The following NXPH1 variants were observed in gnomAD, a reference collection of about 807,000 sequenced individuals.
NXPH1 encodes neurexophilin 1.
NXPH1 carries 5 observed loss-of-function variants against 23.7 expected under a neutral mutation model. The observed-to-expected ratio is 0.21, with a 90% CI of 0.11 to 0.44. NXPH1 has a LOEUF of 0.44. Ranked by LOEUF, NXPH1 falls within the 20% of genes least tolerant of loss-of-function variation. The pLI is 0.99. For synonymous variants in NXPH1, 144 were observed against 122.2 expected (o/e 1.18, Z -1.18); for missense variants, 324 against 321.6 (o/e 1.01, Z -0.06).
intron 2 of NXPH1, among the ~76,000 whole-genome samples, chr7:8,566,866 C>G (rs1013129053): frequency 2.4e-4 from 37 of 151,712 alleles, no homozygotes; most frequent in Admixed American, 4.6e-4. Flanking sequence ...TTTTCTCTCT[C>G]TCTCATCTAT....
At chr7:8,647,649 T>G (rs1264852614) in intron 2 of NXPH1, among the ~76,000 whole-genome samples, 1 of 152,082 alleles carries the variant, frequency 6.6e-6, no homozygotes, top group South Asian at 2.1e-4. Context: ...GCTAGTTATG[T>G]TTAAATGATG....
intron 2 of NXPH1, among the ~76,000 whole-genome samples, chr7:8,544,879 A>G (rs1463656953): frequency 6.6e-6 from 1 of 151,624 alleles, no homozygotes; most frequent in Admixed American, 6.6e-5. Flanking sequence ...GCTTTGTTAT[A>G]TGCAATGTCT....
intron 2 of NXPH1, among the ~76,000 whole-genome samples, chr7:8,501,451 T>C (rs1817433120): frequency 6.6e-6 from 1 of 152,056 alleles, no homozygotes; most frequent in Admixed American, 6.6e-5. Flanking sequence ...CTGGGTCCAT[T>C]CATGACTTGG....
At chr7:8,692,122 G>A (rs1247691102) in intron 2 of NXPH1, among the ~76,000 whole-genome samples, 1 of 151,608 alleles carries the variant, frequency 6.6e-6, no homozygotes, top group African/African-American at 2.4e-5. Context: ...GCTATGAGAT[G>A]GCAGGGAGGG....
At chr7:8,727,118 G>A (rs913597727) in intron 2 of NXPH1, among the ~76,000 whole-genome samples, 18 of 147,852 alleles carry the variant, frequency 1.2e-4, no homozygotes, top group Admixed American at 3.3e-4. Flanking sequence ...GTGTTTTTTC[G>A]GCTGCATAAA....
intron 2 of NXPH1, among the ~76,000 whole-genome samples, chr7:8,620,420 C>T (rs553210917): frequency 6.6e-6 from 1 of 152,146 alleles, no homozygotes; most frequent in African/African-American, 2.4e-5. Flanking sequence ...CTCTGTGCTG[C>T]CTCTTCTTGT....
intron 2 of NXPH1, among the ~76,000 whole-genome samples, chr7:8,533,784 G>A (rs1027566263): frequency 1.3e-5 from 2 of 152,088 alleles, no homozygotes; most frequent in African/African-American, 4.8e-5. Flanking sequence ...TCCTAAGCAT[G>A]CATCCTGGTC....
chr7:8,627,508 A>T (rs965738274), intron 2 of NXPH1, among the ~76,000 whole-genome samples: 1 of 152,158 alleles, frequency 6.6e-6, no homozygotes, highest in African/African-American at 2.4e-5. Context: ...CTCTTTGAGT[A>T]GTAGGATCGC....
intron 2 of NXPH1, among the ~76,000 whole-genome samples, chr7:8,612,074 T>A (rs1007918426): frequency 2.0e-5 from 3 of 152,098 alleles, no homozygotes; most frequent in Non-Finnish European, 2.9e-5. Flanking sequence ...ATTCAAGTTG[T>A]TATAAAGCTA....
chr7:8,601,531 T>G (rs1819360250), intron 2 of NXPH1, among the ~76,000 whole-genome samples: 1 of 152,212 alleles, frequency 6.6e-6, no homozygotes, highest in Non-Finnish European at 1.5e-5. Flanking sequence ...TTCTTCCTCA[T>G]GTGAAGACCA....
At chr7:8,522,809 GTGGAGAC>G (rs1817794706) in intron 2 of NXPH1, among the ~76,000 whole-genome samples, 1 of 152,154 alleles carries the variant, frequency 6.6e-6, no homozygotes. Context: ...TGTCCTTCTG[GTGGAGAC>G]AGTGATTATA....
chr7:8,640,703 G>A (rs1319180941), intron 2 of NXPH1, among the ~76,000 whole-genome samples: 1 of 152,134 alleles, frequency 6.6e-6, no homozygotes, highest in Non-Finnish European at 1.5e-5. Context: ...CACCTGTAAT[G>A]TTAGCACTTT....
chr7:8,744,818 C>T (rs986477976), intron 2 of NXPH1, among the ~76,000 whole-genome samples: 3 of 152,168 alleles, frequency 2.0e-5, no homozygotes, highest in Non-Finnish European at 4.4e-5. Flanking sequence ...CTTAGTTAAT[C>T]CTACGTCTGA....
chr7:8,751,884 T>C lies in NXPH1; in HGVS notation c.*115T>C. The C allele has an allele frequency of 1.0e-6, 1 of 1,004,830 alleles. No individual in the cohort carries two copies. Among genetic ancestry groups the C allele is most frequent in the Non-Finnish European group, 1.4e-6 (1 of 709,814 alleles). 62.2% of individuals were successfully genotyped at this position (1,004,830 alleles called of 1,614,324 possible). A position where few individuals can be genotyped will look rare whatever the true frequency, so the allele number is the denominator to read the frequency against. ...CTGGAATGTGTCTACACTGCTGCTC[T>C]TGTCAACTGGCTGCAAAATACACTA... On this transcript the variant is annotated 3_prime_UTR_variant, in exon 3 of 3. Transcript: ENST00000405863. The surrounding 1 kb of genome is among the most constrained non-coding windows in gnomAD (Gnocchi z 4.5).
intron 2 of NXPH1, among the ~76,000 whole-genome samples, chr7:8,552,664 C>T (rs1302743085): frequency 6.6e-6 from 1 of 151,488 alleles, no homozygotes; most frequent in African/African-American, 2.4e-5. Flanking sequence ...TATGTGCTGT[C>T]AAGTTTTTCT....
At chr7:8,540,296 C>CTGCTGTCGG (rs2128618363) in intron 2 of NXPH1, among the ~76,000 whole-genome samples, 1 of 151,944 alleles carries the variant, frequency 6.6e-6, no homozygotes, top group Non-Finnish European at 1.5e-5. Context: ...ACTGGGACTT[C>CTGCTGTCGG]TGCTGTCGGT....
chr7:8,690,301 G>A (rs774170024), intron 2 of NXPH1: 15 of 152,184 alleles, frequency 9.9e-5, no homozygotes, highest in Non-Finnish European at 1.6e-4. Flanking sequence ...GCAGCAGAAA[G>A]TCTATTAATA....
chr7:8,710,874 G>C (rs1410472937), intron 2 of NXPH1, among the ~76,000 whole-genome samples: 1 of 115,954 alleles, frequency 8.6e-6, no homozygotes, highest in Non-Finnish European at 1.6e-5. Flanking sequence ...GTGTTAGCCA[G>C]GATGGTCTCG....
chr7:8,527,945 A>G (rs1387997189), intron 2 of NXPH1, among the ~76,000 whole-genome samples: 1 of 152,210 alleles, frequency 6.6e-6, no homozygotes, highest in Admixed American at 6.5e-5. Flanking sequence ...TTTCTAATTG[A>G]TCATTTGGTA....
Sources: gnomAD v4.1 joint callset for allele counts (sites outside exome capture counted in the v4.1 genomes callset) on GRCh38, gnomAD v4.1.1 for gene constraint, Gnocchi (gnomAD v3.1) non-coding constraint, MANE v1.5 for transcripts, NCBI Gene and HGNC (gene_info 2026-07-23, HGNC 2026-07-21) for gene names.